CACNA1H: variants seen among roughly 807,000 people sequenced by gnomAD.
The protein encoded by CACNA1H is voltage-dependent T-type calcium channel subunit alpha-1H.
A neutral mutation model predicts 192.5 loss-of-function variants in CACNA1H; 149 were observed. The ratio of observed to expected loss-of-function variants is 0.77; its 90% CI spans 0.68 to 0.89. The LOEUF (loss-of-function observed/expected upper bound fraction) is 0.89, where lower values mean the gene tolerates loss of function less well. CACNA1H is among the 40% of genes least tolerant of loss of function. CACNA1H has a pLI of 0.00. For synonymous variants in CACNA1H, 2,202 were observed against 1,475.2 expected (o/e 1.49, Z -11.29); for missense variants, 4,257 against 3,423.5 (o/e 1.24, Z -6.08).
rs1596271034 is a variant in CACNA1H at position 1,153,954 on chromosome 16, C to T, written c.217C>T (p.Pro73Ser). Residue 73 changes from proline (P) to serine (S), a missense_variant, in exon 2 of 35, where the codon CCG becomes TCG. Pro to Ser is a moderately conservative substitution (Grantham distance 74). Transcript: ENST00000348261. ...CGACGAGGAGCAGCGCGTCCCGTAC[C>T]CGGCCTTGGCGGCCACGGTCTTCTT... ...GADEEQRVPY[P>S]ALAATVFFCL... 6.2e-6 allele frequency: 9 copies of T among 1,452,480 alleles called. No individual in the cohort carries two copies. In the Admixed American group the frequency reaches 1.2e-4, roughly 20 times the overall value. 90.0% of individuals were successfully genotyped at this position (1,452,480 alleles called of 1,614,324 possible). A position where few individuals can be genotyped will look rare whatever the true frequency, so the allele number is the denominator to read the frequency against.
chr16:1,218,903 G>A (rs1281860090), intron 33 of CACNA1H, 67 bp from the exon 34 acceptor site: 11 of 1,507,112 alleles, frequency 7.3e-6, no homozygotes, highest in Non-Finnish European at 9.9e-6. Flanking sequence ...GGGGAGGACG[G>A]GGGTGGGTGG....
chr16:1,172,791 C>T lies in CACNA1H; in HGVS notation c.299+18755C>T, dbSNP rs948297706. 7.2e-5 allele frequency among the ~76,000 whole-genome samples: 11 copies of T among 151,998 alleles called. 1 individual carries two copies. Among genetic ancestry groups the T allele is most frequent in the Non-Finnish European group, 1.5e-4 (10 of 67,968 alleles). Reference sequence around the variant, plus strand: ...TGGGCTGCTGCTGCCTGGGTGCCCCCGAGGGCTCCTGTCCAGGCCCAGGGC... The same window carrying T: ...TGGGCTGCTGCTGCCTGGGTGCCCCTGAGGGCTCCTGTCCAGGCCCAGGGC... On this transcript the variant is annotated intron_variant, in intron 2 of 34. Coordinates refer to ENST00000348261, the MANE Select transcript of CACNA1H (RefSeq NM_021098.3).
intron 9 of CACNA1H, among the ~76,000 whole-genome samples, chr16:1,202,967 C>G (rs1968166659): frequency 6.6e-6 from 1 of 151,908 alleles, no homozygotes; most frequent in African/African-American, 2.4e-5. Context: ...GGGCCTCTGT[C>G]CACCAGGTGA....
In CACNA1H at chr16:1,220,085, G is replaced by C. The variant is rs1970362113; in HGVS notation, c.6153G>C (p.Gln2051His). The C allele has an allele frequency of 6.8e-7, 1 of 1,460,406 alleles. No individual in the cohort carries two copies. The highest frequency in any genetic ancestry group is 9.0e-7 in the Non-Finnish European group (1 of 1,107,846). The allele number at this position is 1,460,406 out of a possible 1,614,324, so 90.5% of individuals were successfully genotyped here. The change falls in exon 35 of 35, where the codon CAG becomes CAC. Residue 2051 changes from glutamine to histidine, a missense_variant. Transcript: ENST00000348261. The part of the protein sequence containing the change: ...GEKTPVRPVT[Q>H]GGSLQSPPRS... ...AAACCCCGGTGAGGCCGGTGACCCA[G>C]GGGGGCTCCCTGCAGTCCCCACCAC...
chr16:1,213,736 C>T (rs768027933), intron 26 of CACNA1H, 44 bp from the exon 27 acceptor site: 45 of 1,458,628 alleles, frequency 3.1e-5, no homozygotes, highest in Middle Eastern at 4.7e-4. Context: ...CCAGGAGCGC[C>T]GGGCGGCCCT....
intron 2 of CACNA1H, among the ~76,000 whole-genome samples, chr16:1,175,202 G>C (rs541255776): frequency 3.3e-5 from 5 of 152,134 alleles, no homozygotes; most frequent in Non-Finnish European, 7.4e-5. Context: ...AGGCCCTACT[G>C]TGCGCACAGG....
rs191613214 is a variant in CACNA1H at position 1,153,830 on chromosome 16, G to A, written c.93G>A (p.Glu31=). The A allele has an allele frequency of 2.3e-3, 3,020 of 1,290,588 alleles. 63 individuals carry two copies. The African/African-American group carries it at 0.043, about 18-fold the overall frequency. The allele number at this position is 1,290,588 out of a possible 1,614,324, so 79.9% of individuals were successfully genotyped here. Residue 31 remains glutamate, a synonymous_variant, in exon 2 of 35, where the codon GAG becomes GAA. Transcript: ENST00000348261. Reference sequence around the variant, plus strand: ...CGGCGTTGGTGGGGGCGTCCCCGGAGAGCCCCGGGGCGCCGGGACGCGAGG... The same window carrying A: ...CGGCGTTGGTGGGGGCGTCCCCGGAAAGCCCCGGGGCGCCGGGACGCGAGG... The part of the protein sequence containing the change: ...GPAALVGASP[E]SPGAPGREAE...
chr16:1,165,516 T>A (rs1446373177), intron 2 of CACNA1H, among the ~76,000 whole-genome samples: 1 of 150,960 alleles, frequency 6.6e-6, no homozygotes, highest in Non-Finnish European at 1.5e-5. Context: ...GAGCTCCAGG[T>A]GGAGAGAGAG....
At position 1,167,094 on chromosome 16, in the gene CACNA1H, C is replaced by T. The variant is rs1041247779; in HGVS notation, c.299+13058C>T. Reference sequence around the variant, plus strand: ...CAGCAGCAGTGAGTGCTGACAACCACACCCAGCCGGAGTCCAGGGCTGTGG... The same window carrying T: ...CAGCAGCAGTGAGTGCTGACAACCATACCCAGCCGGAGTCCAGGGCTGTGG... On this transcript the variant is annotated intron_variant, in intron 2 of 34. Coordinates refer to ENST00000348261, the MANE Select transcript of CACNA1H (RefSeq NM_021098.3). This position sits in a 1 kb window ranked among gnomAD's most constrained non-coding sequence, Gnocchi z 4.2. 6.6e-6 allele frequency among the ~76,000 whole-genome samples: 1 copy of T among 152,346 alleles called. No homozygotes were observed. The highest frequency in any genetic ancestry group is 1.9e-4 in the East Asian group (1 of 5,170).
chr16:1,195,390 G>C (rs1032027013), intron 3 of CACNA1H, 42 bp from the exon 4 acceptor site: 59 of 1,549,382 alleles, frequency 3.8e-5, no homozygotes, highest in Non-Finnish European at 4.7e-5. Flanking sequence ...TGTGGGCTGA[G>C]CTGAGCTGTT....
At chr16:1,177,056 C>T (rs1322139571) in intron 2 of CACNA1H, among the ~76,000 whole-genome samples, 3 of 152,210 alleles carry the variant, frequency 2.0e-5, no homozygotes, top group South Asian at 2.1e-4. Flanking sequence ...TCCGCACCTT[C>T]TCTGAACCCT....
At chr16:1,154,295 G>A (rs1396191131) in intron 2 of CACNA1H, among the ~76,000 whole-genome samples, 1 of 152,152 alleles carries the variant, frequency 6.6e-6, no homozygotes, top group African/African-American at 2.4e-5. Flanking sequence ...GAAGCGAAGC[G>A]GTGAGGCCCC....
intron 5 of CACNA1H, among the ~76,000 whole-genome samples, 160 bp from the exon 6 acceptor site, chr16:1,198,455 G>T (rs956705938): frequency 3.3e-5 from 5 of 152,122 alleles, no homozygotes; most frequent in Admixed American, 1.3e-4. Flanking sequence ...CACACTAGGG[G>T]TGCGGGAAAA....
intron 30 of CACNA1H, among the ~76,000 whole-genome samples, chr16:1,216,569 C>T (rs1009905263): frequency 6.6e-6 from 1 of 152,214 alleles, no homozygotes; most frequent in Admixed American, 6.5e-5. Flanking sequence ...CAGGGCGGGC[C>T]AGAGCCCCCA....
chr16:1,206,919 CACCCCCCTCCCGCTCCCCCA>C, intron 12 of CACNA1H, 62 bp from the exon 13 acceptor site: 2 of 180,860 alleles, frequency 1.1e-5, no homozygotes, highest in Admixed American at 1.2e-4. Context: ...TCCCTCCTCC[CACCCCCCTCCCGCTCCCCCA>C]CCTTCTTCCG....
In CACNA1H at chr16:1,202,444, G is replaced by T. The variant is rs752130183; in HGVS notation, c.1994G>T (p.Gly665Val). ...DPYEKIPHVV[G>V]EHGLGQAPGH... is the part of the protein sequence containing the mutation. ...TACGAGAAGATCCCGCATGTGGTCG[G>T]GGAGCATGGTGAGGACCCAGCCCCA... The change falls in exon 9 of 35, where the codon GGG becomes GTG. Residue 665 changes from glycine to valine, a missense_variant. Physicochemically the swap from Gly to Val is moderately radical, Grantham distance 109 (BLOSUM62 -3). Transcript: ENST00000348261. The T allele has an allele frequency of 2.7e-6, 4 of 1,492,594 alleles. No homozygotes were observed. The highest frequency in any genetic ancestry group is 3.6e-6 in the Non-Finnish European group (4 of 1,116,742). 92.5% of individuals were successfully genotyped at this position (1,492,594 alleles called of 1,614,324 possible).
rs1596479886 is a variant in CACNA1H, at chr16:1,220,062, A to G, written c.6130A>G (p.Thr2044Ala). The G allele has an allele frequency of 7.0e-7, 1 of 1,430,082 alleles. No homozygotes were observed. Among genetic ancestry groups the G allele is most frequent in the Non-Finnish European group, 9.1e-7 (1 of 1,093,336 alleles). The allele number at this position is 1,430,082 out of a possible 1,614,324, so 88.6% of individuals were successfully genotyped here. The part of the protein sequence containing the change: ...TLDPAEPGEK[T>A]PVRPVTQGGS... ...GGATCCTGCAGAGCCTGGTGAGAAA[A>G]CCCCGGTGAGGCCGGTGACCCAGGG... The change falls in exon 35 of 35, where the codon ACC (threonine) becomes GCC (alanine). Residue 2044 changes from threonine to alanine, a missense_variant. Thr to Ala is a moderately conservative substitution (Grantham distance 58). Coordinates refer to ENST00000348261, the MANE Select transcript of CACNA1H (RefSeq NM_021098.3).
intron 5 of CACNA1H, among the ~76,000 whole-genome samples, chr16:1,196,251 G>C (rs954792499): frequency 2.0e-5 from 3 of 152,282 alleles, no homozygotes; most frequent in Non-Finnish European, 4.4e-5. Context: ...AGCATTCACA[G>C]GGTACCTGGC....
chr16:1,212,095 G>T lies in CACNA1H; in HGVS notation c.4716G>T (p.Arg1572=), dbSNP rs915715945. The change falls in exon 25 of 35, where the codon CGG becomes CGT. Residue 1572 remains arginine (R), a synonymous_variant. Transcript: ENST00000348261. ...RQHQEAEEAR[R]REEKRLRRLE... ...ACCAGGAGGCGGAGGAGGCGCGGCG[G>T]CGAGAGGAGAAGCGGCTGCGGCGCC... is the stretch of plus-strand genomic sequence containing the variant. The T allele has an allele frequency of 1.2e-6, 2 of 1,611,728 alleles. No homozygotes were observed. The highest frequency in any genetic ancestry group is 1.3e-5 in the African/African-American group (1 of 75,036).
Sources: allele counts gnomAD v4.1 joint callset (sites outside exome capture counted in the v4.1 genomes callset), GRCh38; gene constraint gnomAD v4.1.1; non-coding constraint Gnocchi (gnomAD v3.1); transcripts MANE v1.5; gene names NCBI Gene and HGNC (gene_info 2026-07-23, HGNC 2026-07-21).